The following PGD variants were observed in gnomAD, a reference collection of about 807,000 sequenced individuals.
PGD encodes phosphogluconate dehydrogenase, also known as 6-phosphogluconate dehydrogenase, decarboxylating.
PGD carries 21 observed loss-of-function variants against 60.4 expected under a neutral mutation model. The ratio of observed to expected loss-of-function variants is 0.35; its 90% CI spans 0.25 to 0.50. The LOEUF (loss-of-function observed/expected upper bound fraction) is 0.50, where lower values mean the gene tolerates loss of function less well. Among genes scored for constraint, PGD ranks in the 20% least tolerant of loss-of-function variants. PGD has a pLI of 0.98. For synonymous variants in PGD, 230 were observed against 235.9 expected (o/e 0.97, Z 0.23); for missense variants, 477 against 613.1 (o/e 0.78, Z 2.34).
chr1:10,403,753 A>G (rs1342126591), intron 4 of PGD, among the ~76,000 whole-genome samples: 5 of 152,308 alleles, frequency 3.3e-5, no homozygotes, highest in African/African-American at 1.2e-4. Flanking sequence ...ACTGGTTTAG[A>G]ACCACTCCTC....
chr1:10,413,268 C>A lies in PGD; in HGVS notation c.844+17C>A. 1.2e-6 allele frequency: 2 copies of A among 1,606,448 alleles called. No homozygotes were observed. Among genetic ancestry groups the A allele is most frequent in the Non-Finnish European group, 1.7e-6 (2 of 1,173,556 alleles). ...CCCTCATTGGTAATGTTATGCTTTT[C>A]ACATGGGCCCTTTCGTCCACTATTC... is the stretch of plus-strand genomic sequence containing the variant. On this transcript the variant is annotated intron_variant, in intron 8 of 12. Transcript: ENST00000270776.
At chr1:10,414,770 T>TGCTTCTG (rs1639566329) in intron 8 of PGD, among the ~76,000 whole-genome samples, 1 of 152,006 alleles carries the variant, frequency 6.6e-6, no homozygotes, top group African/African-American at 2.4e-5. Flanking sequence ...GGCTGATCTT[T>TGCTTCTG]GCTTCTGGCA....
At chr1:10,399,157 G>C (rs773331321) in intron 1 of PGD, 32 bp downstream of exon 1, 1 of 1,606,258 alleles carries the variant, frequency 6.2e-7, no homozygotes, top group African/African-American at 1.3e-5. Context: ...GCCCGGCTCG[G>C]CCTCAGCGGG....
chr1:10,408,239 C>A, intron 6 of PGD, 99 bp downstream of exon 6: 2 of 755,516 alleles, frequency 2.6e-6, no homozygotes, highest in Non-Finnish European at 2.4e-6. Flanking sequence ...CAGGGGTTAG[C>A]TTGGTGACAT....
In PGD at chr1:10,399,618, T is replaced by C; in HGVS notation, c.9-11T>C. On this transcript the variant is annotated splice_polypyrimidine_tract_variant and intron_variant, in intron 1 of 12. Transcript: ENST00000270776. ...CTGACTCTTTCCTTTGTTCTGTTTC[T>C]GCCTCTCTAGAGCTGACATCGCGCT... 3 of 1,612,734 alleles carry C rather than the reference T, an allele frequency of 1.9e-6. No individual in the cohort carries two copies. In the South Asian group the frequency reaches 3.3e-5, roughly 18 times the overall value.
intron 8 of PGD, 31 bp downstream of exon 8, chr1:10,413,282 C>T (rs1269035091): frequency 1.0e-5 from 16 of 1,581,094 alleles, no homozygotes; most frequent in Admixed American, 1.7e-5. Flanking sequence ...TGGGCCCTTT[C>T]GTCCACTATT....
chr1:10,404,308 C>T, intron 5 of PGD, 29 bp downstream of exon 5: 1 of 1,402,934 alleles, frequency 7.1e-7, no homozygotes, highest in Non-Finnish European at 1.0e-6. Context: ...GTGCCCATCT[C>T]TGTACAAGGG....
At chr1:10,403,590 G>GAAAA (rs71583866) in intron 4 of PGD, among the ~76,000 whole-genome samples, 2,319 of 67,100 alleles carry the variant, frequency 0.035, 188 homozygotes, top group Middle Eastern at 0.12. Flanking sequence ...AACTCCATCT[G>GAAAA]AAAAAAAAAA....
In PGD at chr1:10,399,619, G is replaced by T; in HGVS notation, c.9-10G>T. 6.2e-7 allele frequency: 1 copy of T among 1,612,702 alleles called. No individual in the cohort carries two copies. Among genetic ancestry groups the T allele is most frequent in the Non-Finnish European group, 8.5e-7 (1 of 1,179,372 alleles). ...TGACTCTTTCCTTTGTTCTGTTTCT[G>T]CCTCTCTAGAGCTGACATCGCGCTG... On this transcript the variant is annotated splice_polypyrimidine_tract_variant and intron_variant, in intron 1 of 12. Transcript: ENST00000270776.
chr1:10,403,019 G>A, intron 3 of PGD, 52 bp from the exon 4 acceptor site: 1 of 1,131,686 alleles, frequency 8.8e-7, no homozygotes, highest in East Asian at 2.3e-5. Context: ...GTTTTAATTT[G>A]CCAAGGTATG....
chr1:10,399,102 T>C lies in PGD; in HGVS notation c.-16T>C. 1 of 1,609,868 alleles carries C rather than the reference T, an allele frequency of 6.2e-7. No individual in the cohort carries two copies. Among genetic ancestry groups the C allele is most frequent in the Non-Finnish European group, 8.5e-7 (1 of 1,179,710 alleles). On this transcript the variant is annotated 5_prime_UTR_variant, in exon 1 of 13. Coordinates refer to ENST00000270776, the MANE Select transcript of PGD (RefSeq NM_002631.4). Reference sequence around the variant, plus strand: ...TCCGCGCGTCGCCGCTCTTCGGTTCTGCTCTGTCCGCCGCCATGGCCCAGT... The same window carrying C: ...TCCGCGCGTCGCCGCTCTTCGGTTCCGCTCTGTCCGCCGCCATGGCCCAGT...
intron 5 of PGD, among the ~76,000 whole-genome samples, chr1:10,407,621 T>C (rs1639429339): frequency 6.6e-6 from 1 of 152,218 alleles, no homozygotes; most frequent in Admixed American, 6.5e-5. Context: ...TCATTATCTT[T>C]TTGTGGGCAC....
intron 8 of PGD, among the ~76,000 whole-genome samples, chr1:10,416,171 G>A (rs1307176562): frequency 2.0e-5 from 3 of 152,118 alleles, no homozygotes; most frequent in Non-Finnish European, 4.4e-5. Flanking sequence ...ATGGCTCACT[G>A]TAGCCTTGAA....
In PGD at chr1:10,399,802, T is replaced by G; in HGVS notation, c.84+98T>G. On this transcript the variant is annotated intron_variant, in intron 2 of 12. Coordinates refer to ENST00000270776, the MANE Select transcript of PGD (RefSeq NM_002631.4). ...AGCTTACGGGTCTCCTGGCCGTGCT[T>G]TGCTAATGTGCTCTGTTGCTGCTCG... The G allele has an allele frequency of 3.9e-6, 4 of 1,021,030 alleles. No homozygotes were observed. The South Asian group carries it at 5.2e-5, about 13-fold the overall frequency. 63.2% of individuals were successfully genotyped at this position (1,021,030 alleles called of 1,614,324 possible).
In PGD at chr1:10,402,943, A is replaced by C. The variant is rs552055667; in HGVS notation, c.265-128A>C. 33 of 706,968 alleles carry C rather than the reference A, an allele frequency of 4.7e-5. No homozygotes were observed. In the African/African-American group the frequency reaches 5.3e-4, roughly 11 times the overall value. The allele number at this position is 706,968 out of a possible 1,614,324, so 43.8% of individuals were successfully genotyped here. A position where few individuals can be genotyped will look rare whatever the true frequency, so the allele number is the denominator to read the frequency against. On this transcript the variant is annotated intron_variant, in intron 3 of 12. Transcript: ENST00000270776. ...CAGTGAGCCATGTTCGCACTCCTGCATTCCAAGCTGGGCAACAGAACGAGA... is the reference window on the plus strand; with the variant it reads ...CAGTGAGCCATGTTCGCACTCCTGCCTTCCAAGCTGGGCAACAGAACGAGA...
At chr1:10,419,336 TAC>T in intron 11 of PGD, 79 bp from the exon 12 acceptor site, 1 of 1,537,554 alleles carries the variant, frequency 6.5e-7, no homozygotes, top group South Asian at 1.2e-5. Flanking sequence ...GTTTTTCATT[TAC>T]CCACATTGAT....
chr1:10,419,327 T>G, intron 11 of PGD, 90 bp from the exon 12 acceptor site: 1 of 1,527,200 alleles, frequency 6.5e-7, no homozygotes, highest in Non-Finnish European at 8.8e-7. Context: ...TAACCATCAG[T>G]TTTTCATTTA....
At chr1:10,404,545 G>A (rs1276434315) in intron 5 of PGD, among the ~76,000 whole-genome samples, 2 of 150,694 alleles carry the variant, frequency 1.3e-5, no homozygotes, top group South Asian at 2.1e-4. Flanking sequence ...TCCCGCCCAG[G>A]CAGGAGTGCA....
intron 2 of PGD, 133 bp from the exon 3 acceptor site, chr1:10,400,259 TG>T: frequency 3.1e-6 from 2 of 649,820 alleles, no homozygotes. Flanking sequence ...CTCCCACAGC[TG>T]GGGGAAGAAA....
Sources: gnomAD v4.1 joint callset for allele counts (sites outside exome capture counted in the v4.1 genomes callset) on GRCh38, gnomAD v4.1.1 for gene constraint, MANE v1.5 for transcripts, NCBI Gene and HGNC (gene_info 2026-07-23, HGNC 2026-07-21) for gene names.